PTPRD: variants seen among roughly 807,000 people sequenced by gnomAD.
The protein encoded by PTPRD is protein tyrosine phosphatase receptor type D, also known as receptor-type tyrosine-protein phosphatase delta.
In PTPRD, 34 loss-of-function variants were observed where a neutral mutation model predicts 214.5. The observed-to-expected ratio is 0.16, with a 90% CI of 0.12 to 0.21. The LOEUF (loss-of-function observed/expected upper bound fraction) is 0.21. Ranked by LOEUF, PTPRD falls within the 10% of genes least tolerant of loss-of-function variation. PTPRD has a pLI of 1.00. For missense variants in PTPRD, 2,545 were observed against 2,398.7 expected (o/e 1.06, Z -1.27); for synonymous variants, 1,128 against 845.7 (o/e 1.33, Z -5.79).
intron 3 of PTPRD, among the ~76,000 whole-genome samples, chr9:10,067,697 C>T (rs1413085198): frequency 4.0e-5 from 6 of 151,864 alleles, no homozygotes; most frequent in Non-Finnish European, 4.4e-5. Flanking sequence ...AATGGTAAAG[C>T]TAGAGTTCAA....
chr9:8,651,837 A>G (rs1177061930), intron 12 of PTPRD, among the ~76,000 whole-genome samples: 5 of 152,340 alleles, frequency 3.3e-5, no homozygotes, highest in African/African-American at 4.8e-5. Flanking sequence ...TGGTAAGAGA[A>G]CTTGGATAAC....
chr9:9,714,007 C>G (rs1239080731), intron 7 of PTPRD, among the ~76,000 whole-genome samples: 1 of 149,278 alleles, frequency 6.7e-6, no homozygotes, highest in Non-Finnish European at 1.5e-5. Flanking sequence ...AGTAGAATGT[C>G]TTGGACCCAG....
At chr9:8,822,954 G>A (rs182572341) in intron 11 of PTPRD, among the ~76,000 whole-genome samples, 4 of 152,156 alleles carry the variant, frequency 2.6e-5, no homozygotes, top group Admixed American at 2.0e-4. Context: ...GGAATCTTTC[G>A]AAAATAACAT....
At chr9:9,934,221 G>C (rs79367176) in intron 5 of PTPRD, among the ~76,000 whole-genome samples, 78,538 of 144,128 alleles carry the variant, frequency 0.54, 24,429 homozygotes, top group East Asian at 0.91. Flanking sequence ...CAAGAAATAA[G>C]TAAGATCAGA....
At chr9:9,494,334 G>C (rs910878254) in intron 8 of PTPRD, among the ~76,000 whole-genome samples, 1 of 152,194 alleles carries the variant, frequency 6.6e-6, no homozygotes, top group Non-Finnish European at 1.5e-5. Flanking sequence ...GTTATACTCT[G>C]GGTAAAATGA....
At chr9:10,285,599 T>C (rs965484539) in intron 3 of PTPRD, among the ~76,000 whole-genome samples, 1 of 143,458 alleles carries the variant, frequency 7.0e-6, no homozygotes, top group African/African-American at 2.7e-5. Flanking sequence ...TATTTTGGGG[T>C]CTCATCTTTT....
chr9:9,671,435 C>A (rs2096830447), intron 7 of PTPRD, among the ~76,000 whole-genome samples: 2 of 139,618 alleles, frequency 1.4e-5, no homozygotes, highest in African/African-American at 2.5e-5. Context: ...TAGGTTAATG[C>A]TGAAATGAGT....
chr9:8,590,038 T>C (rs940653897), intron 14 of PTPRD, among the ~76,000 whole-genome samples: 1 of 152,100 alleles, frequency 6.6e-6, no homozygotes, highest in Non-Finnish European at 1.5e-5. Flanking sequence ...GTTTTTGCAA[T>C]GTTCACGAGG....
At chr9:10,030,761 G>A (rs1457276751) in intron 4 of PTPRD, among the ~76,000 whole-genome samples, 1 of 152,110 alleles carries the variant, frequency 6.6e-6, no homozygotes, top group Non-Finnish European at 1.5e-5. Flanking sequence ...CACTGCCCAT[G>A]GATTATTTAG....
intron 7 of PTPRD, among the ~76,000 whole-genome samples, chr9:9,674,699 G>T (rs1172072542): frequency 1.3e-5 from 2 of 151,730 alleles, no homozygotes; most frequent in Non-Finnish European, 3.0e-5. Context: ...TTGATAAAAA[G>T]ATCGTTAGGG....
At chr9:10,063,719 G>T (rs529597150) in intron 3 of PTPRD, among the ~76,000 whole-genome samples, 5 of 151,968 alleles carry the variant, frequency 3.3e-5, no homozygotes, top group Admixed American at 3.3e-4. Context: ...AGAATCTGAG[G>T]TATATGAGGG....
At chr9:8,349,919 G>T (rs1053769899) in intron 39 of PTPRD, among the ~76,000 whole-genome samples, 9 of 141,602 alleles carry the variant, frequency 6.4e-5, no homozygotes, top group Middle Eastern at 3.8e-3. Context: ...CCAAATTATT[G>T]CTAAACTTTA....
At chr9:8,531,859 A>G (rs10815905) in intron 14 of PTPRD, among the ~76,000 whole-genome samples, 12,759 of 152,134 alleles carry the variant, frequency 0.084, 781 homozygotes, top group East Asian at 0.28. Context: ...ATAACCGTTT[A>G]TAAGAAATAT....
At chr9:10,004,865 G>C (rs1229513397) in intron 4 of PTPRD, among the ~76,000 whole-genome samples, 1 of 152,040 alleles carries the variant, frequency 6.6e-6, no homozygotes, top group Non-Finnish European at 1.5e-5. Context: ...AGCAGATCAG[G>C]GTTTACTATT....
Position 9,179,102 on chromosome 9 carries a change from T to G in PTPRD, c.-143+4202A>C, listed in dbSNP as rs2042204934. Reference sequence around the variant, plus strand: ...CTACTCAGAACTTCACAAACAATTCTTAAAATCAACTAAAGAAACCTTAGT... The same window carrying G: ...CTACTCAGAACTTCACAAACAATTCGTAAAATCAACTAAAGAAACCTTAGT... On this transcript the variant is annotated intron_variant, in intron 10 of 45. Coordinates refer to ENST00000381196, the MANE Select transcript of PTPRD (RefSeq NM_002839.4). 2.0e-5 allele frequency among the ~76,000 whole-genome samples: 3 copies of G among 152,262 alleles called. No homozygotes were observed. The South Asian group carries it at 6.2e-4, about 32-fold the overall frequency.
intron 37 of PTPRD, among the ~76,000 whole-genome samples, chr9:8,383,598 A>G (rs1657036821): frequency 6.6e-6 from 1 of 152,204 alleles, no homozygotes; most frequent in Admixed American, 6.5e-5. Flanking sequence ...AATGGGACTT[A>G]AGATAGCTTG....
At chr9:10,128,006 G>C (rs923338895) in intron 3 of PTPRD, among the ~76,000 whole-genome samples, 3 of 152,062 alleles carry the variant, frequency 2.0e-5, no homozygotes, top group Non-Finnish European at 4.4e-5. Flanking sequence ...ATCATGTTTG[G>C]AGAAAGGCCT....
intron 9 of PTPRD, among the ~76,000 whole-genome samples, chr9:9,369,538 C>A (rs1467465241): frequency 6.6e-6 from 1 of 151,812 alleles, no homozygotes; most frequent in Admixed American, 6.6e-5. Context: ...AGATTGCAAA[C>A]ATTTTCTCCC....
At chr9:10,220,289 A>G (rs1421223633) in intron 3 of PTPRD, among the ~76,000 whole-genome samples, 1 of 151,922 alleles carries the variant, frequency 6.6e-6, no homozygotes, top group South Asian at 2.1e-4. Flanking sequence ...CACTATTATT[A>G]GTCTTACTTA....
Sources: gnomAD v4.1 joint callset for allele counts (sites outside exome capture counted in the v4.1 genomes callset) on GRCh38, gnomAD v4.1.1 for gene constraint, MANE v1.5 for transcripts, NCBI Gene and HGNC (gene_info 2026-07-23, HGNC 2026-07-21) for gene names.